Variants in CEP128 observed in about 807,000 individuals in gnomAD.
CEP128 encodes the protein centrosomal protein 128.
A neutral mutation model predicts 156.7 loss-of-function variants in CEP128; 132 were observed. The ratio of observed to expected loss-of-function variants is 0.84; its 90% CI spans 0.73 to 0.97. CEP128 has a LOEUF of 0.97. CEP128 is among the 50% of genes least tolerant of loss of function. The pLI, the probability that CEP128 is intolerant of heterozygous loss-of-function variation, is 0.00. For missense variants in CEP128, 1,252 were observed against 1,281.9 expected (o/e 0.98, Z 0.36); for synonymous variants, 469 against 448.9 (o/e 1.04, Z -0.57).
At chr14:80,885,707 A>C (rs1013781353) in intron 8 of CEP128, among the ~76,000 whole-genome samples, 1 of 152,174 alleles carries the variant, frequency 6.6e-6, no homozygotes, top group Non-Finnish European at 1.5e-5. Context: ...TCCAAAAACC[A>C]GAATGACTCT....
chr14:80,931,122 C>A (rs1885436263), intron 2 of CEP128, among the ~76,000 whole-genome samples: 1 of 152,184 alleles, frequency 6.6e-6, no homozygotes, highest in South Asian at 2.1e-4. Context: ...GGAGGATGTG[C>A]ATGAGGATAC....
intron 19 of CEP128, among the ~76,000 whole-genome samples, chr14:80,720,741 G>C (rs953149184): frequency 6.6e-6 from 1 of 152,150 alleles, no homozygotes; most frequent in African/African-American, 2.4e-5. Context: ...AGACAACTTG[G>C]TCTAGGTAGC....
At chr14:80,791,361 A>G (rs1901695617) in intron 14 of CEP128, among the ~76,000 whole-genome samples, 1 of 152,198 alleles carries the variant, frequency 6.6e-6, no homozygotes, top group Admixed American at 6.5e-5. Flanking sequence ...AATAATTGGA[A>G]GTATTCTGGG....
intron 21 of CEP128, among the ~76,000 whole-genome samples, chr14:80,531,723 C>T (rs571502766): frequency 1.6e-3 from 240 of 152,182 alleles, no homozygotes; most frequent in Middle Eastern, 3.4e-3. Flanking sequence ...CTATGGCTGA[C>T]GCATGGGAAG....
intron 19 of CEP128, among the ~76,000 whole-genome samples, chr14:80,721,696 T>C (rs1897823122): frequency 6.6e-6 from 1 of 152,234 alleles, no homozygotes; most frequent in East Asian, 1.9e-4. Flanking sequence ...ATGATGTACA[T>C]TTTAAATTAA....
intron 2 of CEP128, among the ~76,000 whole-genome samples, chr14:80,953,370 G>A (rs1327046032): frequency 6.6e-6 from 1 of 152,202 alleles, no homozygotes; most frequent in Non-Finnish European, 1.5e-5. Flanking sequence ...CGGATCACGA[G>A]ATCAGGAGTT....
intron 23 of CEP128, among the ~76,000 whole-genome samples, chr14:80,512,806 A>G (rs931024411): frequency 2.6e-5 from 4 of 152,046 alleles, no homozygotes; most frequent in Non-Finnish European, 5.9e-5. Flanking sequence ...TAAACTAATG[A>G]TAACACTTCA....
chr14:80,726,469 A>C (rs1461853752), intron 19 of CEP128, among the ~76,000 whole-genome samples: 2 of 152,208 alleles, frequency 1.3e-5, no homozygotes, highest in African/African-American at 4.8e-5. Context: ...TCCTTTTCAT[A>C]GCTTTATATG....
rs529721132 is a variant in CEP128 at position 80,925,228 on chromosome 14, G to T, written c.-15-8666C>A. 2.6e-5 allele frequency among the ~76,000 whole-genome samples: 4 copies of T among 151,514 alleles called. No individual in the cohort carries two copies. In the South Asian group the frequency reaches 6.3e-4, roughly 24 times the overall value. ...TTTGATAGTCATCAGTATAGGGGTG[G>T]ATAAGACCACCAAGAAAAAAAATGC... On this transcript the variant is annotated intron_variant, in intron 2 of 24. Transcript: ENST00000555265.
At chr14:80,670,828 T>A (rs1001292349) in intron 19 of CEP128, among the ~76,000 whole-genome samples, 7 of 152,146 alleles carry the variant, frequency 4.6e-5, no homozygotes, top group Non-Finnish European at 5.9e-5. Context: ...AAATGTTGAA[T>A]CTATTTTAGT....
intron 21 of CEP128, among the ~76,000 whole-genome samples, chr14:80,539,328 T>C (rs1240397136): frequency 6.6e-6 from 1 of 152,160 alleles, no homozygotes; most frequent in Non-Finnish European, 1.5e-5. Flanking sequence ...GACTGAGTCA[T>C]GAGCATTGCC....
chr14:80,685,146 G>A (rs1235186560), intron 19 of CEP128, among the ~76,000 whole-genome samples: 1 of 152,036 alleles, frequency 6.6e-6, no homozygotes, highest in Non-Finnish European at 1.5e-5. Flanking sequence ...TACCAAAAGA[G>A]AAAGTCAAAC....
At chr14:80,525,142 A>G (rs1888920596) in intron 23 of CEP128, among the ~76,000 whole-genome samples, 1 of 152,222 alleles carries the variant, frequency 6.6e-6, no homozygotes, top group Non-Finnish European at 1.5e-5. Flanking sequence ...CCTCTGTTGA[A>G]CTAAGAGGCA....
intron 16 of CEP128, among the ~76,000 whole-genome samples, chr14:80,764,448 G>A (rs1223760582): frequency 6.6e-6 from 1 of 151,482 alleles, no homozygotes; most frequent in Non-Finnish European, 1.5e-5. Context: ...GCAGTGAGCC[G>A]AGATTGCGCC....
chr14:80,569,719 C>A (rs1381959531), intron 20 of CEP128, among the ~76,000 whole-genome samples: 8 of 152,194 alleles, frequency 5.3e-5, no homozygotes, highest in Non-Finnish European at 1.2e-4. Context: ...AAAGTCCAGG[C>A]AGGCACCTGT....
rs766151274 is a variant in CEP128 at position 80,831,219 on chromosome 14, G to GC, written c.1132dup (p.Ala378GlyfsTer3). The GC allele has an allele frequency of 1.2e-6, 2 of 1,613,606 alleles. No homozygotes were observed. Among genetic ancestry groups the GC allele is most frequent in the East Asian group, 4.5e-5 (2 of 44,872 alleles). Reference sequence around the variant, plus strand: ...CCGTTTCACTTCCTCTAACTCAGATGCCATTGCGCTGAAGTTCAGCTGCAC... The same window carrying GC: ...CCGTTTCACTTCCTCTAACTCAGATGCCCATTGCGCTGAAGTTCAGCTGCAC... On this transcript the variant is annotated frameshift_variant, in exon 13 of 25. Transcript: ENST00000555265. LOFTEE classifies it high-confidence loss of function.
intron 8 of CEP128, among the ~76,000 whole-genome samples, chr14:80,863,255 T>C (rs1887605699): frequency 6.6e-6 from 1 of 152,218 alleles, no homozygotes; most frequent in South Asian, 2.1e-4. Flanking sequence ...TGATAAATTG[T>C]TCGACCTAAT....
At chr14:80,515,809 G>C (rs1888460691) in intron 23 of CEP128, among the ~76,000 whole-genome samples, 1 of 152,168 alleles carries the variant, frequency 6.6e-6, no homozygotes. Flanking sequence ...GGTCACACCT[G>C]AAGCTAGCAC....
chr14:80,560,891 T>TTA (rs150249007), intron 20 of CEP128, among the ~76,000 whole-genome samples: 139 of 150,534 alleles, frequency 9.2e-4, no homozygotes, highest in Admixed American at 3.8e-3. Flanking sequence ...TAACTACCCT[T>TTA]TATATATATA....
Sources: gnomAD v4.1 joint callset for allele counts (sites outside exome capture counted in the v4.1 genomes callset) on GRCh38, gnomAD v4.1.1 for gene constraint, MANE v1.5 for transcripts, NCBI Gene and HGNC (gene_info 2026-07-23, HGNC 2026-07-21) for gene names.